TAF7L: variants seen among roughly 807,000 people sequenced by gnomAD.
TAF7L encodes the protein transcription initiation factor TFIID subunit 7-like.
Under a neutral mutation model 30.2 loss-of-function variants are expected in TAF7L, and 6 were observed. The observed-to-expected ratio is 0.20, with a 90% CI of 0.11 to 0.39. The LOEUF is 0.39. TAF7L is among the 10% of genes least tolerant of loss of function. TAF7L has a pLI of 1.00. For missense variants in TAF7L, 284 were observed against 277.1 expected, an observed-to-expected ratio of 1.03 and a Z score of -0.18; for synonymous variants, 93 against 94.5, an observed-to-expected ratio of 0.98 and a Z score of 0.09.
At chrX:101,289,941 G>A (rs898456529) in intron 1 of TAF7L, among the ~76,000 whole-genome samples, 2 of 110,124 alleles carry the variant, frequency 1.8e-5, no homozygotes, top group African/African-American at 6.6e-5. Context: ...ACAGCTGGGC[G>A]CTGTGGCTCA....
intron 12 of TAF7L, 124 bp downstream of exon 12, chrX:101,275,098 T>C (rs1924111688): frequency 1.8e-6 from 1 of 542,399 alleles, no homozygotes; most frequent in African/African-American, 2.4e-5. Flanking sequence ...CCCTGCTACC[T>C]TCATTTAGAA....
At chrX:101,284,965 T>G (rs1481043619) in intron 3 of TAF7L, among the ~76,000 whole-genome samples, 3 of 111,562 alleles carry the variant, frequency 2.7e-5, no homozygotes, top group African/African-American at 9.8e-5. Flanking sequence ...AATTTTGTTC[T>G]TTTTAAAAGG....
chrX:101,281,331 C>T lies in TAF7L; in HGVS notation c.462+389G>A, dbSNP rs141255994. Among the ~76,000 whole-genome samples, 335 of 112,048 alleles carry T rather than the reference C, an allele frequency of 3.0e-3. 1 individual carries two copies. The highest frequency in any genetic ancestry group is 0.01 in the African/African-American group (315 of 30,898). On this transcript the variant is annotated intron_variant, in intron 6 of 12. Coordinates refer to ENST00000356784, the MANE Select transcript of TAF7L (RefSeq NM_001168474.2). ...TTAAACAAAAGAAGAAGCCAAGCCA[C>T]AATACTCCTGTAGTTTGCCCAAGAT...
At chrX:101,287,373 G>A in intron 2 of TAF7L, 105 bp downstream of exon 2, 3 of 660,288 alleles carry the variant, frequency 4.5e-6, no homozygotes, top group Non-Finnish European at 4.6e-6. Flanking sequence ...AATGTTCTGA[G>A]TTTTTATAGC....
chrX:101,272,489 T>C (rs958521124), intron 12 of TAF7L, among the ~76,000 whole-genome samples: 1 of 111,565 alleles, frequency 9.0e-6, no homozygotes, highest in African/African-American at 3.3e-5. Flanking sequence ...ATAACATGGA[T>C]GAACCCTGAA....
intron 1 of TAF7L, among the ~76,000 whole-genome samples, chrX:101,290,696 G>A (rs938451079): frequency 8.9e-6 from 1 of 112,079 alleles, no homozygotes; most frequent in South Asian, 3.7e-4. Flanking sequence ...GTTGAACTGG[G>A]TTTTAATTAT....
At chrX:101,277,451 C>CAAAAAAAAAAAAAAAAAA (rs368056727) in intron 9 of TAF7L, among the ~76,000 whole-genome samples, 155 bp downstream of exon 9, 3 of 40,415 alleles carry the variant, frequency 7.4e-5, no homozygotes, top group African/African-American at 3.0e-4. Context: ...GACTCCATCT[C>CAAAAAAAAAAAAAAAAAA]AAAAAAAAAA....
In TAF7L at chrX:101,287,775, CA is replaced by C. The variant is rs199839271; in HGVS notation, c.-2-231del. ...ATGTGTAGATTTTCCAAAGTCAATC[CA>C]AATTACATGATGTAATTTGATGAAC... On this transcript the variant is annotated intron_variant, in intron 1 of 12. Transcript: ENST00000356784. 571 of 300,835 alleles carry C rather than the reference CA, an allele frequency of 1.9e-3. 4 individuals carry two copies. The highest frequency in any genetic ancestry group is 0.012 in the African/African-American group (434 of 36,032). The allele number at this position is 300,835 out of a possible 1,213,427, so 24.8% of individuals were successfully genotyped here.
Position 101,282,470 on chromosome X carries a change from C to T in TAF7L, c.280-17G>A, listed in dbSNP as rs1924446572. 8.3e-7 allele frequency: 1 copy of T among 1,207,718 alleles called. No individual in the cohort carries two copies. Among genetic ancestry groups the T allele is most frequent in the Admixed American group, 2.2e-5 (1 of 45,410 alleles). On this transcript the variant is annotated splice_polypyrimidine_tract_variant and intron_variant, in intron 4 of 12. Coordinates refer to ENST00000356784, the MANE Select transcript of TAF7L (RefSeq NM_001168474.2). ...CACAAGCATCTACATTTAACAAAGA[C>T]AAAGAAGTTGACTATGACCACGAAT...
At position 101,287,307 on chromosome X, in the gene TAF7L, C is replaced by CA. The variant is rs201573596; in HGVS notation, c.66+170dup. ...ATTGTACAGGAGGAAAAAATGCTGC[C>CA]AAAAAAGTACACGCTATGATAGGAC... On this transcript the variant is annotated intron_variant, in intron 2 of 12. Transcript: ENST00000356784. 6.6e-3 allele frequency among the ~76,000 whole-genome samples: 733 copies of CA among 111,180 alleles called. 6 individuals carry two copies. The highest frequency in any genetic ancestry group is 9.7e-3 in the Non-Finnish European group (516 of 53,026).
At chrX:101,272,090 T>C (rs1476270989) in intron 12 of TAF7L, among the ~76,000 whole-genome samples, 1 of 111,311 alleles carries the variant, frequency 9.0e-6, no homozygotes, top group Non-Finnish European at 1.9e-5. Flanking sequence ...CTCTTTAAAA[T>C]TGTAACCCTC....
chrX:101,286,919 T>C (rs1354517843), intron 2 of TAF7L, among the ~76,000 whole-genome samples: 1 of 112,069 alleles, frequency 8.9e-6, no homozygotes, highest in African/African-American at 3.2e-5. Context: ...ACCCTTCTGT[T>C]GTAGTTGCTA....
chrX:101,288,153 T>C (rs1159431857), intron 1 of TAF7L, among the ~76,000 whole-genome samples: 2 of 109,442 alleles, frequency 1.8e-5, no homozygotes, highest in Non-Finnish European at 3.8e-5. Context: ...TCTTTTTTTT[T>C]TTTTTCAAGA....
At chrX:101,275,698 A>G (rs948515707) in intron 11 of TAF7L, among the ~76,000 whole-genome samples, 3 of 111,548 alleles carry the variant, frequency 2.7e-5, no homozygotes, top group African/African-American at 9.8e-5. Context: ...GGATGTGAGG[A>G]TAAAATGTGA....
At chrX:101,282,562 T>G (rs1387738143) in intron 4 of TAF7L, 109 bp from the exon 5 acceptor site, 2 of 891,229 alleles carry the variant, frequency 2.2e-6, no homozygotes, top group African/African-American at 4.1e-5. Context: ...ACTTGCCATT[T>G]CCAGAAAACC....
At chrX:101,286,770 A>C (rs970656612) in intron 2 of TAF7L, 117 bp from the exon 3 acceptor site, 50 of 488,657 alleles carry the variant, frequency 1.0e-4, no homozygotes, top group Non-Finnish European at 3.4e-6. Flanking sequence ...CCCAAATGTT[A>C]CTAACAAGAC....
chrX:101,287,800 A>C, intron 1 of TAF7L: 1 of 282,062 alleles, frequency 3.5e-6, no homozygotes, highest in Non-Finnish European at 6.3e-6. Context: ...AATTTGATGA[A>C]CAAATGAAAT....
At chrX:101,276,605 C>A in intron 9 of TAF7L, 77 bp from the exon 10 acceptor site, 1 of 1,011,309 alleles carries the variant, frequency 9.9e-7, no homozygotes, top group South Asian at 2.2e-5. Flanking sequence ...TAATTATACT[C>A]CTTTCACATT....
At position 101,283,566 on chromosome X, in the gene TAF7L, C is replaced by T. The variant is rs1468775862; in HGVS notation, c.163G>A (p.Val55Ile). The change falls in exon 4 of 13, where the codon GTT becomes ATT. Residue 55 changes from valine (V) to isoleucine (I), a missense_variant. Coordinates refer to ENST00000356784, the MANE Select transcript of TAF7L (RefSeq NM_001168474.2). Reference protein sequence around the residue: ...IDLLPDGRHAVVEVEDVPLAA... With the variant: ...IDLLPDGRHAIVEVEDVPLAA... The stretch of plus-strand genomic sequence containing the variant: ...AGTGGGACATCTTCTACTTCAACAA[C>T]TGCATGGCGCCCATCAGCTGAAGAG... The T allele has an allele frequency of 8.3e-7, 1 of 1,209,704 alleles. No homozygotes were observed. Among genetic ancestry groups the T allele is most frequent in the African/African-American group, 1.7e-5 (1 of 57,311 alleles).
Sources: gnomAD v4.1 joint callset for allele counts (sites outside exome capture counted in the v4.1 genomes callset) on GRCh38, gnomAD v4.1.1 for gene constraint, MANE v1.5 for transcripts, NCBI Gene and HGNC (gene_info 2026-07-23, HGNC 2026-07-21) for gene names.